The following SLC45A4 variants were observed in gnomAD, a reference collection of about 807,000 sequenced individuals.
SLC45A4 encodes solute carrier family 45 member 4.
In SLC45A4, 32 loss-of-function variants were observed where a neutral mutation model predicts 63.7. The observed-to-expected ratio is 0.50, with a 90% CI of 0.38 to 0.67. SLC45A4 has a LOEUF of 0.67. Ranked by LOEUF, SLC45A4 falls within the 30% of genes least tolerant of loss-of-function variation. SLC45A4 has a pLI of 0.00. For missense variants in SLC45A4, 1,027 were observed against 1,157.7 expected, an observed-to-expected ratio of 0.89 and a Z score of 1.64; for synonymous variants, 535 against 510.0, an observed-to-expected ratio of 1.05 and a Z score of -0.66.
chr8:141,300,347 G>C (rs766518741), intron 1 of SLC45A4, among the ~76,000 whole-genome samples: 6 of 152,222 alleles, frequency 3.9e-5, no homozygotes, highest in Non-Finnish European at 5.9e-5. Context: ...TTCTGAGTGG[G>C]ATGGGAAGTG....
intron 2 of SLC45A4, among the ~76,000 whole-genome samples, chr8:141,241,544 C>CT (rs1414387031): frequency 1.3e-5 from 2 of 152,064 alleles, no homozygotes. Context: ...AAAACAGTGC[C>CT]TTTGCATCCA....
rs753310131 is a variant in SLC45A4 at position 141,212,424 on chromosome 8, C to T, written c.2074G>A (p.Val692Ile). Reference protein sequence around the residue: ...LGGVVDAVGTVRVIPMVASVG... With the variant: ...LGGVVDAVGTIRVIPMVASVG... ...GAGGCCACCATGGGGATGACGCGGACAGTCCCCACGGCGTCGACCACGCCC... is the reference window on the plus strand; with the variant it reads ...GAGGCCACCATGGGGATGACGCGGATAGTCCCCACGGCGTCGACCACGCCC... Residue 692 changes from valine to isoleucine, a missense_variant, in exon 8 of 9, where the codon GTC becomes ATC. Transcript: ENST00000517878. 1 of 1,613,658 alleles carries T rather than the reference C, an allele frequency of 6.2e-7. No homozygotes were observed.
chr8:141,242,626 GC>G (rs1164142501), intron 2 of SLC45A4, among the ~76,000 whole-genome samples: 14 of 152,194 alleles, frequency 9.2e-5, no homozygotes, highest in Non-Finnish European at 1.5e-4. Flanking sequence ...ATCGGTGAGT[GC>G]CCCAGATAAC....
chr8:141,266,424 C>T (rs1829269698), intron 1 of SLC45A4, among the ~76,000 whole-genome samples: 1 of 152,178 alleles, frequency 6.6e-6, no homozygotes, highest in South Asian at 2.1e-4. Context: ...CCATCAGCCT[C>T]GGACGGCCCC....
At chr8:141,217,779 G>A (rs1383949043) in intron 5 of SLC45A4, among the ~76,000 whole-genome samples, 4 of 152,212 alleles carry the variant, frequency 2.6e-5, no homozygotes, top group South Asian at 2.1e-4. Flanking sequence ...ACTGCTCACC[G>A]CGGGCCTCAC....
intron 1 of SLC45A4, chr8:141,292,755 A>AAC: frequency 6.6e-6 from 1 of 152,496 alleles, no homozygotes; most frequent in South Asian, 2.1e-4. Context: ...ATCGCTCCAC[A>AAC]ACACACACAG....
intron 6 of SLC45A4, 35 bp downstream of exon 6, chr8:141,217,055 G>A (rs746600062): frequency 6.3e-7 from 1 of 1,596,766 alleles, no homozygotes; most frequent in South Asian, 1.1e-5. Flanking sequence ...AGTTTTCTGG[G>A]GTGCGAGTGC....
At chr8:141,230,674 G>A (rs868349880) in intron 2 of SLC45A4, among the ~76,000 whole-genome samples, 1 of 151,910 alleles carries the variant, frequency 6.6e-6, no homozygotes, top group African/African-American at 2.4e-5. Context: ...CAGTCCGGCC[G>A]CTGCCCCGGC....
At chr8:141,253,699 C>T (rs113261454) in intron 2 of SLC45A4, among the ~76,000 whole-genome samples, 9,126 of 152,284 alleles carry the variant, frequency 0.06, 936 homozygotes, top group African/African-American at 0.21. Flanking sequence ...AGGTGAGCCC[C>T]GGCCGAGAGC....
At chr8:141,303,371 C>T (rs1830808943) in intron 1 of SLC45A4, among the ~76,000 whole-genome samples, 1 of 146,872 alleles carries the variant, frequency 6.8e-6, no homozygotes, top group Non-Finnish European at 1.5e-5. Flanking sequence ...AACTCCTGGA[C>T]TCAAGCGATC....
chr8:141,263,126 A>T (rs1486261188), intron 1 of SLC45A4, among the ~76,000 whole-genome samples: 1 of 148,586 alleles, frequency 6.7e-6, no homozygotes, highest in Non-Finnish European at 1.5e-5. Flanking sequence ...AAAAAACCAA[A>T]CACCACGTGT....
chr8:141,276,932 G>A (rs1266422814), intron 1 of SLC45A4, among the ~76,000 whole-genome samples: 1 of 152,178 alleles, frequency 6.6e-6, no homozygotes, highest in African/African-American at 2.4e-5. Flanking sequence ...TAATTCCTAG[G>A]TGCTGACGTC....
Position 141,212,567 on chromosome 8 carries a change from G to A in SLC45A4, c.1942-11C>T. ...GCTGTGGTGGATGTACTGCAAGAGA[G>A]GAAACACGAGGCGGTGAGCGGCTGG... On this transcript the variant is annotated splice_polypyrimidine_tract_variant and intron_variant, in intron 7 of 8. Transcript: ENST00000517878. 6.3e-7 allele frequency: 1 copy of A among 1,586,248 alleles called. No individual in the cohort carries two copies. Among genetic ancestry groups the A allele is most frequent in the Admixed American group, 1.7e-5 (1 of 58,350 alleles).
At chr8:141,242,424 T>C (rs570770321) in intron 2 of SLC45A4, among the ~76,000 whole-genome samples, 23 of 152,312 alleles carry the variant, frequency 1.5e-4, no homozygotes, top group Non-Finnish European at 3.1e-4. Flanking sequence ...CAATTCTACA[T>C]TGTTTTCCCA....
intron 1 of SLC45A4, among the ~76,000 whole-genome samples, chr8:141,272,033 T>G (rs772119543): frequency 1.3e-4 from 19 of 150,870 alleles, no homozygotes; most frequent in Non-Finnish European, 2.7e-4. Flanking sequence ...ACACATGCAT[T>G]CACACACGTG....
rs73366481 is a variant in SLC45A4 at position 141,278,710 on chromosome 8, A to G, written c.-400-24081T>C. Among the ~76,000 whole-genome samples the G allele has an allele frequency of 0.044, 6,704 of 152,342 alleles. 504 individuals are homozygous for G. The highest frequency in any genetic ancestry group is 0.15 in the African/African-American group (6,308 of 41,578). On this transcript the variant is annotated intron_variant, in intron 1 of 8. Coordinates refer to ENST00000517878, the MANE Select transcript of SLC45A4 (RefSeq NM_001286646.2). This position sits in a 1 kb window ranked among gnomAD's most constrained non-coding sequence, Gnocchi z 4.1. ...TGAGTGAGCAGAAAAATGCAATGCA[A>G]TCAGCTGACCAGAGAGGAAGCTGGG...
chr8:141,245,049 G>A (rs1337881864), intron 2 of SLC45A4, among the ~76,000 whole-genome samples: 1 of 149,304 alleles, frequency 6.7e-6, no homozygotes, highest in African/African-American at 2.5e-5. Context: ...CTTTTCCACA[G>A]TAAGTGTGAG....
chr8:141,302,822 G>A (rs2887522), intron 1 of SLC45A4, among the ~76,000 whole-genome samples: 61,206 of 151,898 alleles, frequency 0.4, 14,534 homozygotes, highest in Non-Finnish European at 0.53. Flanking sequence ...GCGTGGAGAT[G>A]TCAAACCCCT....
In SLC45A4 at chr8:141,229,990, A is replaced by C. The variant is rs1827257004; in HGVS notation, c.242-8225T>G. ...CCCGAGGCCGTGGTGCTCTGATGAC[A>C]TCCATGGGCAGTGAGTTCAAAATGC... is the stretch of plus-strand genomic sequence containing the variant. On this transcript the variant is annotated intron_variant, in intron 2 of 8. Coordinates refer to ENST00000517878, the MANE Select transcript of SLC45A4 (RefSeq NM_001286646.2). The surrounding 1 kb of genome is among the most constrained non-coding windows in gnomAD (Gnocchi z 5.0). The C allele has an allele frequency of 4.4e-6, 2 of 451,522 alleles. No homozygotes were observed. The highest frequency in any genetic ancestry group is 3.1e-5 in the South Asian group (2 of 63,982). The allele number at this position is 451,522 out of a possible 1,614,324, so 28.0% of individuals were successfully genotyped here. A position where few individuals can be genotyped will look rare whatever the true frequency, so the allele number is the denominator to read the frequency against.
Sources: allele counts gnomAD v4.1 joint callset (sites outside exome capture counted in the v4.1 genomes callset), GRCh38; gene constraint gnomAD v4.1.1; non-coding constraint Gnocchi (gnomAD v3.1); transcripts MANE v1.5; gene names NCBI Gene and HGNC (gene_info 2026-07-23, HGNC 2026-07-21).